Variants in SPATA31C1 observed in about 807,000 individuals in gnomAD.
SPATA31C1 encodes spermatogenesis-associated protein 31C1.
exon 5 of SPATA31C1, chr9:87,920,589 T>G (rs1828826988): frequency 6.2e-7 from 1 of 1,613,598 alleles, no homozygotes; most frequent in Non-Finnish European, 8.5e-7. Context: ...TCCTCTGGCC[T>G]GCTCTCCACC....
At chr9:87,922,040 G>C (rs187580896) in exon 5 of SPATA31C1, 2 of 1,613,948 alleles carry the variant, frequency 1.2e-6, no homozygotes, top group Admixed American at 3.3e-5. Flanking sequence ...AGGTGGCCAC[G>C]CTCCTTGGAG....
rs531798991 is a variant in SPATA31C1, at chr9:87,921,030, C to T, written n.1420C>T. ...TTTCCCAGTCCTATCTCCTGCTTTT[C>T]TATCCCCGATGAAGAACACTGGAGT... On this transcript the variant is annotated non_coding_transcript_exon_variant, in exon 5 of 5. Transcript: ENST00000420021. The T allele has an allele frequency of 3.0e-4, 483 of 1,611,986 alleles. 6 individuals carry two copies. In the South Asian group the frequency reaches 5.0e-3, roughly 17 times the overall value.
At chr9:87,922,862 T>C (rs1198258877) in exon 5 of SPATA31C1, 2 of 1,606,068 alleles carry the variant, frequency 1.2e-6, no homozygotes, top group African/African-American at 1.3e-5. Context: ...CTCCTCAACT[T>C]ACCCCAGGCA....
chr9:87,923,170 GAC>G (rs1259024638), exon 5 of SPATA31C1: 1 of 1,603,238 alleles, frequency 6.2e-7, no homozygotes, highest in East Asian at 2.2e-5. Flanking sequence ...AATCAGCAAA[GAC>G]AGCAGTTTCA....
At chr9:87,922,124 C>T in exon 5 of SPATA31C1, 1 of 1,613,804 alleles carries the variant, frequency 6.2e-7, no homozygotes, top group Non-Finnish European at 8.5e-7. Context: ...GGCTTCAGGC[C>T]TCCTCACCTG....
At position 87,921,198 on chromosome 9, in the gene SPATA31C1, G is replaced by C. The variant is rs762159940; in HGVS notation, n.1588G>C. On this transcript the variant is annotated non_coding_transcript_exon_variant, in exon 5 of 5. Transcript: ENST00000420021. The stretch of plus-strand genomic sequence containing the variant: ...CCAAAAATCTCAGGACGTCTTTAGT[G>C]TCTCCACTCCTAACCTTCCCCAGGA... The C allele has an allele frequency of 5.6e-6, 9 of 1,611,936 alleles. No individual in the cohort carries two copies. The East Asian group carries it at 2.0e-4, about 36-fold the overall frequency.
exon 5 of SPATA31C1, chr9:87,921,519 A>T (rs1828866121): frequency 6.2e-7 from 1 of 1,611,880 alleles, no homozygotes; most frequent in East Asian, 2.2e-5. Context: ...ATCCAGGGGC[A>T]TGGAAAGCTT....
At chr9:87,923,132 T>G (rs752835468) in exon 5 of SPATA31C1, 1 of 1,603,520 alleles carries the variant, frequency 6.2e-7, no homozygotes, top group East Asian at 2.2e-5. Flanking sequence ...ACATGTCACT[T>G]TGCCATGCGC....
chr9:87,915,426 CT>C, intron 1 of SPATA31C1, among the ~76,000 whole-genome samples: 1 of 144,504 alleles, frequency 6.9e-6, no homozygotes, highest in Non-Finnish European at 1.5e-5. Context: ...TCTTAGCGTA[CT>C]GAGTAGCTGG....
intron 1 of SPATA31C1, among the ~76,000 whole-genome samples, chr9:87,915,744 A>G (rs1057242063): frequency 2.1e-5 from 3 of 142,752 alleles, no homozygotes; most frequent in African/African-American, 7.6e-5. Context: ...GTATGGAACT[A>G]TTTCTGAGTT....
chr9:87,920,536 C>A (rs1371928077), exon 5 of SPATA31C1: 1 of 1,613,840 alleles, frequency 6.2e-7, no homozygotes, highest in Non-Finnish European at 8.5e-7. Context: ...CGCCCCTCAC[C>A]CGAGCCACCT....
chr9:87,920,349 C>T (rs773017326), exon 5 of SPATA31C1: 26 of 1,613,810 alleles, frequency 1.6e-5, no homozygotes, highest in African/African-American at 6.7e-5. Context: ...TGGAGCCTCC[C>T]GGTCCTCTCA....
At chr9:87,919,339 A>G (rs774630464) in exon 3 of SPATA31C1, 1 of 1,602,126 alleles carries the variant, frequency 6.2e-7, no homozygotes, top group Non-Finnish European at 8.5e-7. Flanking sequence ...GAAAAACCAC[A>G]GTCTGAGAGG....
At chr9:87,922,624 C>T in exon 5 of SPATA31C1, 4 of 1,608,924 alleles carry the variant, frequency 2.5e-6, no homozygotes, top group Non-Finnish European at 2.5e-6. Context: ...TCTCAAGTGC[C>T]CCAGGGCCAT....
chr9:87,919,372 A>G (rs1351455879), intron 3 of SPATA31C1, 24 bp downstream of exon 2: 1 of 1,590,042 alleles, frequency 6.3e-7, no homozygotes, highest in South Asian at 1.2e-5. Context: ...AGGGCACACT[A>G]GAGTTAATTT....
intron 2 of SPATA31C1, 32 bp from the exon 2 acceptor site, chr9:87,919,223 G>T: frequency 7.3e-7 from 1 of 1,373,970 alleles, no homozygotes; most frequent in Non-Finnish European, 9.5e-7. Flanking sequence ...GGGAGAGCCG[G>T]TCCTAGCTCC....
At chr9:87,915,578 G>T (rs1828698452) in intron 1 of SPATA31C1, among the ~76,000 whole-genome samples, 1 of 145,500 alleles carries the variant, frequency 6.9e-6, no homozygotes, top group Admixed American at 6.8e-5. Flanking sequence ...TGGGATTACA[G>T]GCATGAGCCA....
exon 5 of SPATA31C1, chr9:87,922,950 T>C: frequency 6.3e-7 from 1 of 1,585,316 alleles, no homozygotes; most frequent in Non-Finnish European, 8.6e-7. Context: ...AATAAGCCAC[T>C]TTGGAGAAAA....
intron 2 of SPATA31C1, 177 bp from the exon 2 acceptor site, chr9:87,919,078 C>A: frequency 9.4e-7 from 1 of 1,062,276 alleles, no homozygotes; most frequent in Non-Finnish European, 1.4e-6. Flanking sequence ...CCCCCTCTTC[C>A]TGTTTTTCTA....
Sources: allele counts gnomAD v4.1 joint callset (sites outside exome capture counted in the v4.1 genomes callset), GRCh38; gene constraint gnomAD v4.1.1; transcripts MANE v1.5; gene names NCBI Gene and HGNC (gene_info 2026-07-23, HGNC 2026-07-21).